The following CTNND2 variants were observed in gnomAD, a reference collection of about 807,000 sequenced individuals.
CTNND2 encodes catenin delta 2.
In CTNND2, 22 loss-of-function variants were observed where a neutral mutation model predicts 144.4. The ratio of observed to expected loss-of-function variants is 0.15; its 90% CI spans 0.11 to 0.22. The LOEUF (loss-of-function observed/expected upper bound fraction) is 0.22. CTNND2 is among the 10% of genes least tolerant of loss of function. The pLI is 1.00. For missense variants in CTNND2, 1,353 were observed against 1,618.8 expected, an observed-to-expected ratio of 0.84 and a Z score of 2.82; for synonymous variants, 751 against 695.6, an observed-to-expected ratio of 1.08 and a Z score of -1.25.
intron 15 of CTNND2, among the ~76,000 whole-genome samples, chr5:11,093,190 T>C (rs914264424): frequency 3.9e-5 from 6 of 152,230 alleles, no homozygotes; most frequent in African/African-American, 1.2e-4. Context: ...TGTACAAAGA[T>C]TTTAAAATGT....
intron 2 of CTNND2, among the ~76,000 whole-genome samples, chr5:11,629,421 C>T (rs563277422): frequency 3.3e-5 from 5 of 152,112 alleles, no homozygotes; most frequent in Non-Finnish European, 7.4e-5. Flanking sequence ...CCTGGCATCT[C>T]GTTAAAATTC....
chr5:11,644,919 T>C (rs1426040603), intron 2 of CTNND2, among the ~76,000 whole-genome samples: 2 of 152,182 alleles, frequency 1.3e-5, no homozygotes, highest in African/African-American at 4.8e-5. Context: ...AAAAAGCAGA[T>C]GTATTCTGAA....
chr5:11,216,235 C>T (rs922691434), intron 10 of CTNND2, among the ~76,000 whole-genome samples: 2 of 152,302 alleles, frequency 1.3e-5, no homozygotes, highest in South Asian at 2.1e-4. Flanking sequence ...CCCACCGCCA[C>T]CCTATAAGAT....
intron 1 of CTNND2, among the ~76,000 whole-genome samples, chr5:11,902,702 T>A (rs1253411468): frequency 2.0e-5 from 3 of 152,148 alleles, no homozygotes; most frequent in Non-Finnish European, 4.4e-5. Flanking sequence ...CATATTTGCT[T>A]GAGCACAGTA....
chr5:11,275,542 A>T (rs1402257251), intron 9 of CTNND2, among the ~76,000 whole-genome samples: 1 of 152,202 alleles, frequency 6.6e-6, no homozygotes, highest in Non-Finnish European at 1.5e-5. Flanking sequence ...GAGGGGTAAG[A>T]TCCTATCCAC....
At chr5:11,132,935 G>T (rs1329349294) in intron 12 of CTNND2, among the ~76,000 whole-genome samples, 6 of 151,782 alleles carry the variant, frequency 4.0e-5, no homozygotes, top group Non-Finnish European at 8.8e-5. Context: ...TTTTTTACTT[G>T]AGGCAAAGAA....
intron 2 of CTNND2, among the ~76,000 whole-genome samples, chr5:11,702,416 T>C (rs938672214): frequency 6.6e-6 from 1 of 152,214 alleles, no homozygotes; most frequent in African/African-American, 2.4e-5. Flanking sequence ...ATGGAATACA[T>C]GAAGGAGGTG....
chr5:11,770,411 GGAAAGAAGGAA>G (rs760969984), intron 1 of CTNND2, among the ~76,000 whole-genome samples: 1 of 7,688 alleles, frequency 1.3e-4, no homozygotes, highest in Non-Finnish European at 0.01. Flanking sequence ...CAGAAAAAAA[GGAAAGAAGGAA>G]GGAAGGAAGG....
chr5:11,326,304 T>G (rs1019725521), intron 9 of CTNND2, among the ~76,000 whole-genome samples: 1 of 152,052 alleles, frequency 6.6e-6, no homozygotes, highest in Non-Finnish European at 1.5e-5. Flanking sequence ...GATGCAAGAG[T>G]TGAGAAGGTT....
chr5:11,344,934 ATT>A (rs1754619721), intron 9 of CTNND2, among the ~76,000 whole-genome samples: 1 of 152,224 alleles, frequency 6.6e-6, no homozygotes, highest in Non-Finnish European at 1.5e-5. Context: ...TTGGTTTCTT[ATT>A]AAGCTAAATT....
chr5:11,767,472 C>G (rs1028145190), intron 1 of CTNND2, among the ~76,000 whole-genome samples: 4 of 152,194 alleles, frequency 2.6e-5, no homozygotes, highest in African/African-American at 9.7e-5. Context: ...CAAAAGATCA[C>G]TGAGTATGTG....
chr5:11,705,796 T>A (rs141473110), intron 2 of CTNND2, among the ~76,000 whole-genome samples: 1 of 152,278 alleles, frequency 6.6e-6, no homozygotes, highest in African/African-American at 2.4e-5. Context: ...GTCCTCCACA[T>A]CTTGAGTGTG....
At chr5:11,192,507 A>G (rs907875481) in intron 11 of CTNND2, among the ~76,000 whole-genome samples, 2 of 152,184 alleles carry the variant, frequency 1.3e-5, no homozygotes, top group Non-Finnish European at 2.9e-5. Context: ...AGAATCCTGG[A>G]TCAGCCCGGT....
chr5:11,472,779 T>C (rs1767350989), intron 3 of CTNND2, among the ~76,000 whole-genome samples: 1 of 152,234 alleles, frequency 6.6e-6, no homozygotes, highest in Non-Finnish European at 1.5e-5. Flanking sequence ...ATGTATAATA[T>C]GACGGTGTTA....
At chr5:11,234,732 C>A (rs1013408756) in intron 10 of CTNND2, among the ~76,000 whole-genome samples, 2 of 152,226 alleles carry the variant, frequency 1.3e-5, no homozygotes, top group African/African-American at 4.8e-5. Flanking sequence ...GGCCATGAAG[C>A]CTGCATTGCC....
chr5:11,288,104 T>C lies in CTNND2; in HGVS notation c.1629-51281A>G, dbSNP rs545516196. Reference sequence around the variant, plus strand: ...TGCATTCTAAGTTATTAAACTACTGTAGGCAGATGCATTGCGGCAGGTTAT... The same window carrying C: ...TGCATTCTAAGTTATTAAACTACTGCAGGCAGATGCATTGCGGCAGGTTAT... On this transcript the variant is annotated intron_variant, in intron 9 of 21. Transcript: ENST00000304623. Among the ~76,000 whole-genome samples, 9 of 152,300 alleles carry C rather than the reference T, an allele frequency of 5.9e-5. No individual in the cohort carries two copies. The South Asian group carries it at 1.9e-3, about 32-fold the overall frequency.
At chr5:11,733,018 C>T (rs909767910) in intron 1 of CTNND2, among the ~76,000 whole-genome samples, 3 of 152,118 alleles carry the variant, frequency 2.0e-5, no homozygotes, top group East Asian at 1.9e-4. Context: ...AGTGGCACAT[C>T]GGGAGGGCTT....
At chr5:11,711,104 C>T (rs376473609) in intron 2 of CTNND2, among the ~76,000 whole-genome samples, 35 of 151,806 alleles carry the variant, frequency 2.3e-4, no homozygotes, top group African/African-American at 7.7e-4. Context: ...CTCACTCTGT[C>T]GCCCAGGCTA....
intron 9 of CTNND2, among the ~76,000 whole-genome samples, chr5:11,237,298 C>T (rs532648128): frequency 1.3e-5 from 2 of 152,082 alleles, no homozygotes; most frequent in Non-Finnish European, 2.9e-5. Flanking sequence ...GGATTACAGG[C>T]GTGAGCCAGC....
Sources: allele counts gnomAD v4.1 joint callset (sites outside exome capture counted in the v4.1 genomes callset), GRCh38; gene constraint gnomAD v4.1.1; transcripts MANE v1.5; gene names NCBI Gene and HGNC (gene_info 2026-07-23, HGNC 2026-07-21).